The following SLC38A4 variants were observed in gnomAD, a reference collection of about 807,000 sequenced individuals.
SLC38A4 encodes solute carrier family 38 member 4.
Under a neutral mutation model 63.1 loss-of-function variants are expected in SLC38A4, and 20 were observed. The observed-to-expected ratio is 0.32, with a 90% CI of 0.22 to 0.46. SLC38A4 has a LOEUF of 0.46. Ranked by LOEUF, SLC38A4 falls within the 20% of genes least tolerant of loss-of-function variation. SLC38A4 has a pLI of 1.00. For missense variants in SLC38A4, 526 were observed against 663.6 expected (o/e 0.79, Z 2.28); for synonymous variants, 230 against 225.5 (o/e 1.02, Z -0.18).
intron 5 of SLC38A4, among the ~76,000 whole-genome samples, chr12:46,786,060 T>A (rs1938755493): frequency 6.6e-6 from 1 of 152,092 alleles, no homozygotes; most frequent in South Asian, 2.1e-4. Context: ...ATTATAAATT[T>A]TATAACCCCT....
chr12:46,819,283 A>G (rs1939497108), intron 1 of SLC38A4, among the ~76,000 whole-genome samples: 1 of 151,682 alleles, frequency 6.6e-6, no homozygotes, highest in Admixed American at 6.6e-5. Flanking sequence ...TTCTGATTCA[A>G]ACTAACTAAG....
upstream of SLC38A4, among the ~76,000 whole-genome samples, chr12:46,826,609 G>A (rs1333977413): frequency 6.6e-6 from 1 of 152,164 alleles, no homozygotes; most frequent in Non-Finnish European, 1.5e-5. Flanking sequence ...CCATTTCAGA[G>A]ATGAGTGAAG....
chr12:46,764,940 A>G lies in SLC38A4; in HGVS notation c.*1761T>C, dbSNP rs1323084079. The G allele has an allele frequency of 3.3e-5, 5 of 152,628 alleles. No individual in the cohort carries two copies. Among genetic ancestry groups the G allele is most frequent in the Admixed American group, 2.6e-4 (4 of 15,272 alleles). The allele number at this position is 152,628 out of a possible 1,614,324, so 9.5% of individuals were successfully genotyped here. A position where few individuals can be genotyped will look rare whatever the true frequency, so the allele number is the denominator to read the frequency against. On this transcript the variant is annotated 3_prime_UTR_variant, in exon 17 of 17. Transcript: ENST00000266579. Reference sequence around the variant, plus strand: ...TATGTATGTCTGCCCTGCAGTATATATGAATTTTAATCCTGGTTATGAAGA... The same window carrying G: ...TATGTATGTCTGCCCTGCAGTATATGTGAATTTTAATCCTGGTTATGAAGA...
intron 14 of SLC38A4, among the ~76,000 whole-genome samples, chr12:46,772,990 G>A (rs900729447): frequency 6.6e-5 from 10 of 151,976 alleles, no homozygotes; most frequent in Non-Finnish European, 1.2e-4. Flanking sequence ...TAAGTTATAC[G>A]AAATAAACAA....
At chr12:46,805,894 G>T (rs1939220911) in intron 1 of SLC38A4, among the ~76,000 whole-genome samples, 3 of 151,862 alleles carry the variant, frequency 2.0e-5, no homozygotes, top group Admixed American at 1.3e-4. Context: ...TGTCTATAGG[G>T]GTAGGGGCTG....
rs772349252 is a variant in SLC38A4, at chr12:46,765,372, A to G, written c.*1329T>C. The G allele has an allele frequency of 2.2e-5, 6 of 269,188 alleles. No homozygotes were observed. Among genetic ancestry groups the G allele is most frequent in the South Asian group, 6.2e-5 (2 of 32,174 alleles). The allele number at this position is 269,188 out of a possible 1,614,324, so 16.7% of individuals were successfully genotyped here. A position where few individuals can be genotyped will look rare whatever the true frequency, so the allele number is the denominator to read the frequency against. On this transcript the variant is annotated 3_prime_UTR_variant, in exon 17 of 17. Coordinates refer to ENST00000266579, the MANE Select transcript of SLC38A4 (RefSeq NM_018018.5). ...CACTCAACACTGTATTAAATGGCCA[A>G]TGAATGTCAGCAAACACCTGTGTGA... is the stretch of plus-strand genomic sequence containing the variant.
chr12:46,809,934 A>G (rs1315804778), intron 1 of SLC38A4, among the ~76,000 whole-genome samples: 2 of 152,136 alleles, frequency 1.3e-5, no homozygotes, highest in East Asian at 3.9e-4. Context: ...TACTATATAA[A>G]CACTGAATGA....
rs66798597 is a variant in SLC38A4, at chr12:46,783,227, T to TGATAGATAGATA, written c.493+1303_493+1314dup. Among the ~76,000 whole-genome samples, 521 of 143,814 alleles carry TGATAGATAGATA rather than the reference T, an allele frequency of 3.6e-3. 2 individuals are homozygous for TGATAGATAGATA. Among genetic ancestry groups the TGATAGATAGATA allele is most frequent in the East Asian group, 7.4e-3 (36 of 4,854 alleles). The allele number at this position is 143,814 out of a possible 152,430, so 94.3% of individuals were successfully genotyped here. On this transcript the variant is annotated intron_variant, in intron 7 of 16. Coordinates refer to ENST00000266579, the MANE Select transcript of SLC38A4 (RefSeq NM_018018.5). ...TATAGATGATGGATAAATTGATAGA[T>TGATAGATAGATA]GATAGATAGATAGATAGATAGATAG...
chr12:46,825,526 T>C (rs1028490508), intron 1 of SLC38A4, among the ~76,000 whole-genome samples: 1 of 152,182 alleles, frequency 6.6e-6, no homozygotes, highest in African/African-American at 2.4e-5. Flanking sequence ...TTTTCCAGTG[T>C]TCTCAACCTT....
intron 7 of SLC38A4, among the ~76,000 whole-genome samples, chr12:46,781,303 T>G (rs1262673494): frequency 6.6e-6 from 1 of 152,074 alleles, no homozygotes; most frequent in Non-Finnish European, 1.5e-5. Flanking sequence ...CAATAGCGGA[T>G]GTACCTTCTG....
At chr12:46,810,512 C>T (rs1311093983) in intron 1 of SLC38A4, among the ~76,000 whole-genome samples, 1 of 150,990 alleles carries the variant, frequency 6.6e-6, no homozygotes, top group Non-Finnish European at 1.5e-5. Context: ...GCACATTCTC[C>T]ACATGTACCC....
At chr12:46,829,082 C>T (rs994870601), upstream of SLC38A4, among the ~76,000 whole-genome samples, 2 of 152,180 alleles carry the variant, frequency 1.3e-5, no homozygotes, top group African/African-American at 4.8e-5. Flanking sequence ...TACTTACTAG[C>T]TTTGTGACTC....
chr12:46,791,263 T>A (rs544671001), intron 3 of SLC38A4, among the ~76,000 whole-genome samples: 1 of 152,352 alleles, frequency 6.6e-6, no homozygotes, highest in African/African-American at 2.4e-5. Flanking sequence ...GAAAAGCAGC[T>A]GTTGGTTTGC....
At chr12:46,818,065 T>C (rs1939475406) in intron 1 of SLC38A4, among the ~76,000 whole-genome samples, 1 of 151,960 alleles carries the variant, frequency 6.6e-6, no homozygotes, top group African/African-American at 2.4e-5. Flanking sequence ...AGTTTGCTTT[T>C]GACTTTCATC....
At chr12:46,785,738 C>CTT (rs11335369) in intron 5 of SLC38A4, among the ~76,000 whole-genome samples, 7 of 66,926 alleles carry the variant, frequency 1.0e-4, no homozygotes, top group South Asian at 5.4e-4. Context: ...ACGAAAATTC[C>CTT]TTTTTTTTTT....
chr12:46,816,487 A>T (rs1939444133), intron 1 of SLC38A4, among the ~76,000 whole-genome samples: 1 of 151,972 alleles, frequency 6.6e-6, no homozygotes, highest in South Asian at 2.1e-4. Context: ...TAAAAAACAG[A>T]CAAAAAACAT....
chr12:46,787,289 T>C (rs1938783140), intron 5 of SLC38A4, among the ~76,000 whole-genome samples: 1 of 152,164 alleles, frequency 6.6e-6, no homozygotes, highest in Non-Finnish European at 1.5e-5. Flanking sequence ...GGGACAGATA[T>C]TAACCAAATG....
intron 10 of SLC38A4, 87 bp downstream of exon 10, chr12:46,779,524 G>A (rs915943883): frequency 4.6e-5 from 46 of 1,007,796 alleles, no homozygotes; most frequent in Non-Finnish European, 6.6e-5. Context: ...TATTAGTGAA[G>A]TGCTTGAACA....
intron 2 of SLC38A4, among the ~76,000 whole-genome samples, chr12:46,796,846 G>A: frequency 6.6e-6 from 1 of 152,034 alleles, no homozygotes; most frequent in East Asian, 1.9e-4. Flanking sequence ...AGGTTCCTTG[G>A]TGGATACCTG....
Sources: allele counts gnomAD v4.1 joint callset (sites outside exome capture counted in the v4.1 genomes callset), GRCh38; gene constraint gnomAD v4.1.1; transcripts MANE v1.5; gene names NCBI Gene and HGNC (gene_info 2026-07-23, HGNC 2026-07-21).